JADE3: variants seen among roughly 807,000 people sequenced by gnomAD.
JADE3 encodes the protein protein Jade-3.
JADE3 carries 2 observed loss-of-function variants against 50.1 expected under a neutral mutation model. The ratio of observed to expected loss-of-function variants is 0.04; its 90% CI spans 0.02 to 0.13. The LOEUF is 0.13. Ranked by LOEUF, JADE3 falls within the 10% of genes least tolerant of loss-of-function variation. The probability of loss-of-function intolerance (pLI) is 1.00; values close to 1 mark genes in which losing one functional copy is unlikely to be tolerated. For synonymous variants in JADE3, 218 were observed against 232.9 expected (o/e 0.94, Z 0.58); for missense variants, 475 against 634.4 (o/e 0.75, Z 2.70).
At chrX:46,962,205 A>C (rs781796872) in intron 1 of JADE3, among the ~76,000 whole-genome samples, 2 of 111,808 alleles carry the variant, frequency 1.8e-5, no homozygotes, top group South Asian at 7.5e-4. Flanking sequence ...CCTGCCTCTT[A>C]GGCTTCTCCT....
intron 1 of JADE3, among the ~76,000 whole-genome samples, chrX:46,942,601 G>A (rs1349183608): frequency 8.9e-6 from 1 of 111,802 alleles, no homozygotes; most frequent in Non-Finnish European, 1.9e-5. Context: ...TTTGGTTATT[G>A]TAGCCTTATG....
intron 1 of JADE3, among the ~76,000 whole-genome samples, chrX:46,981,517 G>A (rs781953810): frequency 2.7e-5 from 3 of 111,750 alleles, no homozygotes; most frequent in Non-Finnish European, 5.6e-5. Context: ...TTTTGTTTGC[G>A]TTTCAGAAGA....
intron 1 of JADE3, among the ~76,000 whole-genome samples, chrX:46,967,345 G>C (rs1395011795): frequency 8.9e-6 from 1 of 111,762 alleles, no homozygotes; most frequent in Non-Finnish European, 1.9e-5. Context: ...CAGCAACAAA[G>C]AGTCTTTGTT....
chrX:46,985,782 A>T lies in JADE3; in HGVS notation c.116A>T (p.Lys39Ile). Residue 39 changes from lysine to isoleucine, a missense_variant, in exon 3 of 11, where the codon AAA becomes ATA. By Grantham distance (102) the Lys-to-Ile change is moderately radical. Coordinates refer to ENST00000614628, the MANE Select transcript of JADE3 (RefSeq NM_014735.5). ...IKSKIPNEHKKPAEVFRKDLI... is the reference protein window; with the variant it reads ...IKSKIPNEHKIPAEVFRKDLI... The stretch of plus-strand genomic sequence containing the variant: ...TCAAAAATTCCAAATGAACACAAGA[A>T]ACCTGCTGAGGTGAGATCGTATTCT... 8.5e-7 allele frequency: 1 copy of T among 1,183,147 alleles called. No individual in the cohort carries two copies. Among genetic ancestry groups the T allele is most frequent in the Non-Finnish European group, 1.1e-6 (1 of 869,716 alleles).
intron 1 of JADE3, among the ~76,000 whole-genome samples, chrX:46,978,930 T>C (rs1927682814): frequency 8.9e-6 from 1 of 112,594 alleles, no homozygotes; most frequent in Non-Finnish European, 1.9e-5. Context: ...TTTACCATCA[T>C]TGAATTATTC....
chrX:47,021,368 G>C (rs1556364411), intron 4 of JADE3, among the ~76,000 whole-genome samples: 1 of 111,131 alleles, frequency 9.0e-6, no homozygotes, highest in Non-Finnish European at 1.9e-5. Context: ...ATATATTTGG[G>C]TTGTTTCCAG....
At chrX:46,973,421 C>A (rs903411602) in intron 1 of JADE3, among the ~76,000 whole-genome samples, 1 of 112,320 alleles carries the variant, frequency 8.9e-6, no homozygotes, top group Non-Finnish European at 1.9e-5. Flanking sequence ...TAGAAAAGTT[C>A]ATTATCCCAA....
At chrX:47,014,361 A>G (rs904829930) in intron 4 of JADE3, among the ~76,000 whole-genome samples, 10 of 112,062 alleles carry the variant, frequency 8.9e-5, no homozygotes, top group Non-Finnish European at 3.8e-5. Context: ...AATTGATGAG[A>G]TGTAAAAATG....
At chrX:47,030,084 T>C (rs1235268029) in intron 6 of JADE3, among the ~76,000 whole-genome samples, 2 of 110,791 alleles carry the variant, frequency 1.8e-5, no homozygotes, top group Non-Finnish European at 3.8e-5. Context: ...TATATATATA[T>C]ACTTTCCTAA....
chrX:47,058,980 A>T lies in JADE3; in HGVS notation c.2375A>T (p.Asp792Val), dbSNP rs368354377. ...GNKEKVRVRK[D>V]SSDRENPPHD... ...AAAGAAAAAGTCAGGGTAAGGAAAG[A>T]TAGCTCAGACAGGGAAAATCCTCCC... The change falls in exon 11 of 11, where the codon GAT becomes GTT. Residue 792 changes from aspartate to valine, a missense_variant. By Grantham distance (152) the Asp-to-Val change is radical. Transcript: ENST00000614628. 7.4e-5 allele frequency: 89 copies of T among 1,208,326 alleles called. No individual in the cohort carries two copies. Among genetic ancestry groups the T allele is most frequent in the Non-Finnish European group, 9.5e-5 (85 of 894,190 alleles).
chrX:46,935,502 A>G (rs1450350109), intron 1 of JADE3, among the ~76,000 whole-genome samples: 1 of 110,532 alleles, frequency 9.0e-6, no homozygotes, highest in Non-Finnish European at 1.9e-5. Flanking sequence ...GCAAGCAAAC[A>G]TTCCTGCCTG....
intron 3 of JADE3, among the ~76,000 whole-genome samples, chrX:46,995,721 C>G (rs1458563890): frequency 1.8e-5 from 2 of 111,447 alleles, no homozygotes; most frequent in Admixed American, 1.9e-4. Context: ...ATATCTTCTG[C>G]CTGAGTACTG....
At chrX:46,962,733 A>T (rs1380559709) in intron 1 of JADE3, among the ~76,000 whole-genome samples, 3 of 112,000 alleles carry the variant, frequency 2.7e-5, no homozygotes, top group African/African-American at 9.7e-5. Context: ...TTTGTTCATG[A>T]GCCAAATCCT....
At chrX:47,010,314 C>T (rs1928528835) in intron 4 of JADE3, among the ~76,000 whole-genome samples, 1 of 111,570 alleles carries the variant, frequency 9.0e-6, no homozygotes, top group South Asian at 3.8e-4. Context: ...CCACAACCTC[C>T]GTCTCCCCAG....
chrX:46,920,088 GT>G (rs1926188830), intron 1 of JADE3, among the ~76,000 whole-genome samples: 1 of 111,141 alleles, frequency 9.0e-6, no homozygotes, highest in East Asian at 2.8e-4. Flanking sequence ...TTACGTATGT[GT>G]TTTGAATTTT....
intron 1 of JADE3, among the ~76,000 whole-genome samples, chrX:46,937,609 T>G (rs1291779154): frequency 1.8e-5 from 2 of 112,668 alleles, no homozygotes; most frequent in African/African-American, 6.5e-5. Context: ...TTAAGTCTTT[T>G]GGGTATGTTA....
chrX:46,920,545 GA>G (rs1325117476), intron 1 of JADE3, among the ~76,000 whole-genome samples: 4 of 112,598 alleles, frequency 3.6e-5, no homozygotes, highest in African/African-American at 1.3e-4. Context: ...TCTCTGTGTG[GA>G]CATAAGTTTG....
At chrX:46,940,979 G>A (rs1246214959) in intron 1 of JADE3, among the ~76,000 whole-genome samples, 4 of 111,033 alleles carry the variant, frequency 3.6e-5, no homozygotes, top group African/African-American at 9.8e-5. Context: ...ACATGTGCAG[G>A]TCTGTCACGT....
At chrX:47,041,897 G>A in intron 8 of JADE3, among the ~76,000 whole-genome samples, 1 of 109,468 alleles carries the variant, frequency 9.1e-6, no homozygotes, top group Non-Finnish European at 1.9e-5. Flanking sequence ...GGCTGGTCTC[G>A]AACCTCAGGT....
Sources: gnomAD v4.1 joint callset for allele counts (sites outside exome capture counted in the v4.1 genomes callset) on GRCh38, gnomAD v4.1.1 for gene constraint, MANE v1.5 for transcripts, NCBI Gene and HGNC (gene_info 2026-07-23, HGNC 2026-07-21) for gene names.